DDX3X: variants seen among roughly 807,000 people sequenced by gnomAD.
DDX3X encodes the protein ATP-dependent RNA helicase DDX3X.
In DDX3X, 4 loss-of-function variants were observed where a neutral mutation model predicts 52.7. The ratio of observed to expected loss-of-function variants is 0.08; its 90% CI spans 0.04 to 0.17. The LOEUF is 0.17. Among genes scored for constraint, DDX3X ranks in the 10% least tolerant of loss-of-function variants. The pLI is 1.00. For synonymous variants in DDX3X, 192 were observed against 178.1 expected (o/e 1.08, Z -0.62); for missense variants, 222 against 548.6 (o/e 0.40, Z 5.95).
chrX:41,346,041 C>G (rs911012388), intron 12 of DDX3X, among the ~76,000 whole-genome samples, 188 bp from the exon 13 acceptor site: 2 of 111,012 alleles, frequency 1.8e-5, no homozygotes, highest in Non-Finnish European at 3.8e-5. Flanking sequence ...TAGTGAGACC[C>G]CCATCTCTTA....
At chrX:41,339,367 A>G (rs1396356292) in intron 3 of DDX3X, 1 of 142,641 alleles carries the variant, frequency 7.0e-6, no homozygotes, top group Non-Finnish European at 1.4e-5. Context: ...AATCATTCAC[A>G]GCATGGTTTT....
In DDX3X at chrX:41,347,367, A is replaced by T. The variant is rs769390253; in HGVS notation, c.1825A>T (p.Ser609Cys). 1 of 1,210,217 alleles carries T rather than the reference A, an allele frequency of 8.3e-7. No individual in the cohort carries two copies. Among genetic ancestry groups the T allele is most frequent in the Admixed American group, 2.2e-5 (1 of 45,769 alleles). ...ARDYRQSSGA[S>C]SSSFSSSRAS... ...AGACTACCGACAAAGTAGCGGTGCC[A>T]GCAGTTCCAGCTTCAGCAGCAGCCG... Residue 609 changes from serine to cysteine, a missense_variant, in exon 16 of 17, where the codon AGC becomes TGC. Coordinates refer to ENST00000644876, the MANE Select transcript of DDX3X (RefSeq NM_001356.5).
intron 2 of DDX3X, 177 bp downstream of exon 2, chrX:41,337,642 CTTT>C (rs5902274): frequency 0.02 from 5,649 of 278,456 alleles, 1 homozygote; most frequent in East Asian, 0.039. Flanking sequence ...GCATCGTTGC[CTTT>C]TTTTTTTTTT....
At chrX:41,341,360 C>T (rs2063847422) in intron 3 of DDX3X, 124 bp from the exon 4 acceptor site, 1 of 526,501 alleles carries the variant, frequency 1.9e-6, no homozygotes, top group Non-Finnish European at 2.9e-6. Flanking sequence ...AATCTTGGTT[C>T]TCTTACAGTG....
chrX:41,360,158 A>G (rs1317998667), intron 5 of DDX3X, among the ~76,000 whole-genome samples: 1 of 108,845 alleles, frequency 9.2e-6, no homozygotes. Flanking sequence ...TGGGCGGATC[A>G]CCTGAGGTCA....
chrX:41,355,838 G>A (rs1231613081), intron 5 of DDX3X, among the ~76,000 whole-genome samples: 4 of 109,782 alleles, frequency 3.6e-5, no homozygotes, highest in Non-Finnish European at 7.6e-5. Flanking sequence ...GTATCTTATT[G>A]TCTTAATTTG....
chrX:41,352,392 TC>T (rs1431133493), downstream of DDX3X, among the ~76,000 whole-genome samples: 1 of 111,695 alleles, frequency 9.0e-6, no homozygotes, highest in African/African-American at 3.3e-5. Context: ...TCGCTGGAGA[TC>T]CTCCATTCAC....
At chrX:41,343,175 G>C (rs1241663027) in intron 6 of DDX3X, 41 bp from the exon 7 acceptor site, 1 of 1,181,595 alleles carries the variant, frequency 8.5e-7, no homozygotes, top group East Asian at 3.0e-5. Flanking sequence ...AACAGAAATA[G>C]CTCTAGATAG....
chrX:41,347,275 C>T, intron 15 of DDX3X, 37 bp from the exon 16 acceptor site: 1 of 1,177,807 alleles, frequency 8.5e-7, no homozygotes, highest in Non-Finnish European at 1.1e-6. Context: ...AGTGGAATTT[C>T]ATCTTCATGT....
downstream of DDX3X, among the ~76,000 whole-genome samples, chrX:41,352,458 A>T (rs891108881): frequency 1.8e-5 from 2 of 111,234 alleles, no homozygotes; most frequent in Non-Finnish European, 3.8e-5. Context: ...CTAACAGTCA[A>T]CATTAGTGGT....
intron 1 of DDX3X, 142 bp from the exon 2 acceptor site, chrX:41,337,266 C>T (rs1181924116): frequency 7.9e-6 from 4 of 506,530 alleles, no homozygotes; most frequent in Non-Finnish European, 1.4e-5. Flanking sequence ...GTCACATTCT[C>T]ATTAAGGGTT....
Position 41,350,127 on chromosome X carries a change from TTATTG to T in DDX3X, c.*2413_*2417del, listed in dbSNP as rs751771731. 21 of 112,567 alleles carry T rather than the reference TTATTG, an allele frequency of 1.9e-4. No individual in the cohort carries two copies. The highest frequency in any genetic ancestry group is 1.1e-3 in the Admixed American group (12 of 10,547). 9.3% of individuals were successfully genotyped at this position (112,567 alleles called of 1,213,427 possible). A position where few individuals can be genotyped will look rare whatever the true frequency, so the allele number is the denominator to read the frequency against. ...AAGTCACTGTAGCTTTAGTAATTGCTTATTGTATTAGTTTAGATGCTAGCACTGCA... is the reference window on the plus strand; with the variant it reads ...AAGTCACTGTAGCTTTAGTAATTGCTTATTAGTTTAGATGCTAGCACTGCA... On this transcript the variant is annotated 3_prime_UTR_variant, in exon 17 of 17. Coordinates refer to ENST00000644876, the MANE Select transcript of DDX3X (RefSeq NM_001356.5).
chrX:41,339,208 G>C, intron 3 of DDX3X, 125 bp downstream of exon 3: 1 of 294,075 alleles, frequency 3.4e-6, no homozygotes, highest in Non-Finnish European at 6.2e-6. Context: ...GCTTCTGTCA[G>C]CCTTGGTTCA....
At position 41,344,326 on chromosome X, in the gene DDX3X, C is replaced by T; in HGVS notation, c.952C>T (p.His318Tyr). 1 of 1,211,503 alleles carries T rather than the reference C, an allele frequency of 8.3e-7. No individual in the cohort carries two copies. Among genetic ancestry groups the T allele is most frequent in the Non-Finnish European group, 1.1e-6 (1 of 895,197 alleles). Reference protein sequence around the residue: ...QQIRDLERGCHLLVATPGRLV... With the variant: ...QQIRDLERGCYLLVATPGRLV... ...GATTCGAGACTTGGAACGTGGATGCCATTTGTTAGTAGCCACTCCAGGACG... is the reference window on the plus strand; with the variant it reads ...GATTCGAGACTTGGAACGTGGATGCTATTTGTTAGTAGCCACTCCAGGACG... The change falls in exon 10 of 17, where the codon CAT (histidine) becomes TAT (tyrosine). Residue 318 changes from histidine to tyrosine, a missense_variant. Around this residue, in one of 5 missense-constraint regions of DDX3X, gnomAD observed 73 missense variants for 301.4 expected, o/e 0.24. Coordinates refer to ENST00000644876, the MANE Select transcript of DDX3X (RefSeq NM_001356.5).
intron 3 of DDX3X, 107 bp downstream of exon 3, chrX:41,339,190 T>C: frequency 2.9e-6 from 1 of 341,914 alleles, no homozygotes; most frequent in South Asian, 8.2e-5. Flanking sequence ...ATGGTGTTGT[T>C]TTTCTATGCT....
At chrX:41,334,564 G>A in intron 1 of DDX3X, 11 of 1,092,342 alleles carry the variant, frequency 1.0e-5, no homozygotes, top group Non-Finnish European at 1.3e-5. Context: ...GGAGGGGGAG[G>A]AAGTGCGCGC....
intron 12 of DDX3X, among the ~76,000 whole-genome samples, 193 bp from the exon 13 acceptor site, chrX:41,346,036 A>C (rs965912313): frequency 1.8e-5 from 2 of 111,159 alleles, no homozygotes; most frequent in East Asian, 5.7e-4. Flanking sequence ...CAATTTAGTG[A>C]GACCCCCATC....
At chrX:41,334,690 G>A in intron 1 of DDX3X, 2 of 1,013,703 alleles carry the variant, frequency 2.0e-6, no homozygotes, top group Non-Finnish European at 1.3e-6. Context: ...GGAGGGCTTC[G>A]GCCTTCACGG....
intron 5 of DDX3X, chrX:41,358,036 G>A: frequency 5.3e-6 from 1 of 189,986 alleles, no homozygotes; most frequent in Non-Finnish European, 9.6e-6. Context: ...CTTTTGGAAG[G>A]TTTCCTATCT....
Sources: allele counts gnomAD v4.1 joint callset (sites outside exome capture counted in the v4.1 genomes callset), GRCh38; gene constraint gnomAD v4.1.1; regional missense constraint gnomAD v4.1.1; transcripts MANE v1.5; gene names NCBI Gene and HGNC (gene_info 2026-07-23, HGNC 2026-07-21).